FLT1: variants seen among roughly 807,000 people sequenced by gnomAD.
FLT1 encodes vascular endothelial growth factor receptor 1.
Under a neutral mutation model 156.3 loss-of-function variants are expected in FLT1, and 49 were observed. The ratio of observed to expected loss-of-function variants is 0.31; its 90% confidence interval spans 0.25 to 0.40. The LOEUF (loss-of-function observed/expected upper bound fraction) is 0.40, where lower values mean the gene tolerates loss of function less well. Ranked by LOEUF, FLT1 falls within the 10% of genes least tolerant of loss-of-function variation. The pLI is 1.00. For synonymous variants in FLT1, 594 were observed against 583.8 expected (o/e 1.02, Z -0.25); for missense variants, 1,322 against 1,637.2 (o/e 0.81, Z 3.32).
intron 20 of FLT1, among the ~76,000 whole-genome samples, chr13:28,325,084 T>C (rs1476227097): frequency 6.6e-6 from 1 of 152,196 alleles, no homozygotes; most frequent in Admixed American, 6.6e-5. Context: ...AAGACAGCCA[T>C]GGATTTTCCA....
chr13:28,388,277 A>T (rs899403317), intron 13 of FLT1: 4 of 1,056,596 alleles, frequency 3.8e-6, no homozygotes, highest in Non-Finnish European at 4.6e-6. Context: ...TTACTCTTTC[A>T]CGTTTGACAA....
At chr13:28,363,574 C>T (rs912368606) in intron 14 of FLT1, among the ~76,000 whole-genome samples, 1 of 151,576 alleles carries the variant, frequency 6.6e-6, no homozygotes, top group Admixed American at 6.6e-5. Flanking sequence ...ATTATATATC[C>T]TTTTCAACTT....
Position 28,476,884 on chromosome 13 carries a change from A to G in FLT1, c.65-9267T>C, listed in dbSNP as rs115570198. Among the ~76,000 whole-genome samples, 809 of 152,110 alleles carry G rather than the reference A, an allele frequency of 5.3e-3. 9 individuals are homozygous for G. The highest frequency in any genetic ancestry group is 0.019 in the African/African-American group (772 of 41,370). ...CAATTCATATTTTAATTGTCTGTCA[A>G]TGAAACTCATAGATAGGTTTTGTAG... On this transcript the variant is annotated intron_variant, in intron 1 of 29. Transcript: ENST00000282397.
chr13:28,379,238 G>A (rs147445097), intron 14 of FLT1, among the ~76,000 whole-genome samples: 15 of 152,272 alleles, frequency 9.9e-5, no homozygotes, highest in African/African-American at 3.4e-4. Context: ...AGCTATTCAG[G>A]AGGCTGAAGC....
chr13:28,342,310 A>G (rs1461737933), intron 16 of FLT1, among the ~76,000 whole-genome samples: 1 of 151,770 alleles, frequency 6.6e-6, no homozygotes, highest in Non-Finnish European at 1.5e-5. Context: ...CAGCCTTCAA[A>G]GTCTGTCTCA....
chr13:28,383,649 G>T (rs9551463), intron 14 of FLT1, among the ~76,000 whole-genome samples: 68,404 of 149,950 alleles, frequency 0.46, 16,896 homozygotes, highest in East Asian at 0.6. Flanking sequence ...GCGACAGAGC[G>T]AGACTCTGTC....
At chr13:28,340,177 T>C (rs796761089) in intron 16 of FLT1, among the ~76,000 whole-genome samples, 5 of 150,860 alleles carry the variant, frequency 3.3e-5, no homozygotes, top group African/African-American at 1.2e-4. Flanking sequence ...ATGGCACCAC[T>C]GCACTCCAGC....
At chr13:28,315,790 T>A (rs1871178192) in intron 25 of FLT1, among the ~76,000 whole-genome samples, 1 of 152,102 alleles carries the variant, frequency 6.6e-6, no homozygotes, top group African/African-American at 2.4e-5. Context: ...CAGAGAAGCA[T>A]TTCTACTGAG....
intron 16 of FLT1, among the ~76,000 whole-genome samples, chr13:28,340,335 A>G (rs1045136648): frequency 6.6e-6 from 1 of 152,248 alleles, no homozygotes; most frequent in African/African-American, 2.4e-5. Context: ...TAAGGCAGAC[A>G]TCTGCCTTGA....
chr13:28,311,500 C>G (rs1871000486), intron 27 of FLT1, 90 bp downstream of exon 27: 2 of 1,124,890 alleles, frequency 1.8e-6, no homozygotes, highest in South Asian at 1.4e-5. Context: ...CTTTCTTTCT[C>G]TCTTTCGTCT....
At chr13:28,368,594 G>A (rs2137424326) in intron 14 of FLT1, 2 of 1,477,604 alleles carry the variant, frequency 1.4e-6, no homozygotes, top group Non-Finnish European at 1.9e-6. Context: ...TGATGATGAT[G>A]ATGACGATGA....
At chr13:28,449,914 G>C (rs1483105525) in intron 3 of FLT1, among the ~76,000 whole-genome samples, 1 of 152,196 alleles carries the variant, frequency 6.6e-6, no homozygotes, top group Non-Finnish European at 1.5e-5. Flanking sequence ...AACAGGAGTG[G>C]TGGTTCCTTT....
Position 28,390,075 on chromosome 13 carries a change from C to T in FLT1, c.1690G>A (p.Glu564Lys). 2 of 1,614,090 alleles carry T rather than the reference C, an allele frequency of 1.2e-6. No homozygotes were observed. The highest frequency in any genetic ancestry group is 1.7e-6 in the Non-Finnish European group (2 of 1,179,990). The change falls in exon 13 of 30, where the codon GAA (glutamate) becomes AAA (lysine). Residue 564 changes from glutamate (E) to lysine (K), a missense_variant. Glu to Lys is a moderately conservative substitution (Grantham distance 56). This residue lies in a region of FLT1 where 991 missense variants were observed against 1,254.8 expected (regional missense o/e 0.79). Transcript: ENST00000282397. ...DVPNGFHVNL[E>K]KMPTEGEDLK... ...TCCTCTCCTTCCGTCGGCATTTTTT[C>T]CAAGTTAACATGAAACCCATTTGGC...
chr13:28,427,641 T>A, intron 9 of FLT1, 111 bp downstream of exon 9: 1 of 979,464 alleles, frequency 1.0e-6, no homozygotes, highest in Non-Finnish European at 1.6e-6. Flanking sequence ...TTTCAAATGA[T>A]TATTTGAAAT....
intron 14 of FLT1, among the ~76,000 whole-genome samples, chr13:28,357,988 A>T (rs1872966732): frequency 6.7e-6 from 1 of 149,194 alleles, no homozygotes; most frequent in African/African-American, 2.5e-5. Flanking sequence ...AATGTGAGGC[A>T]GCTGCCATGC....
At chr13:28,379,824 T>C (rs1873998868) in intron 14 of FLT1, among the ~76,000 whole-genome samples, 1 of 152,200 alleles carries the variant, frequency 6.6e-6, no homozygotes, top group African/African-American at 2.4e-5. Flanking sequence ...TGTGCCCCAC[T>C]GACAGTTTTT....
intron 23 of FLT1, 45 bp from the exon 24 acceptor site, chr13:28,319,579 A>G (rs756563040): frequency 1.7e-6 from 2 of 1,163,114 alleles, no homozygotes; most frequent in Admixed American, 1.7e-5. Context: ...CATGAAAACA[A>G]AGCACATTCA....
intron 14 of FLT1, among the ~76,000 whole-genome samples, chr13:28,358,006 G>A (rs1211576255): frequency 6.6e-6 from 1 of 150,698 alleles, no homozygotes; most frequent in Non-Finnish European, 1.5e-5. Flanking sequence ...TGCCCAACTT[G>A]AAAGTTGAAG....
chr13:28,311,116 C>A (rs1247322396), intron 27 of FLT1, among the ~76,000 whole-genome samples: 2 of 152,238 alleles, frequency 1.3e-5, no homozygotes, highest in East Asian at 3.9e-4. Context: ...CACCACCACA[C>A]CCGGCTAATT....
Sources: gnomAD v4.1 joint callset for allele counts (sites outside exome capture counted in the v4.1 genomes callset) on GRCh38, gnomAD v4.1.1 for gene constraint, gnomAD v4.1.1 regional missense constraint, MANE v1.5 for transcripts, NCBI Gene and HGNC (gene_info 2026-07-23, HGNC 2026-07-21) for gene names.